CNTN5: variants seen among roughly 807,000 people sequenced by gnomAD.
CNTN5 encodes the protein contactin 5, also known as contactin-5.
A neutral mutation model predicts 129.1 loss-of-function variants in CNTN5; 77 were observed. The ratio of observed to expected loss-of-function variants is 0.60; its 90% confidence interval spans 0.50 to 0.72. The LOEUF is 0.72. Among genes scored for constraint, CNTN5 ranks in the 30% least tolerant of loss-of-function variants. The pLI is 0.00. For synonymous variants in CNTN5, 509 were observed against 465.6 expected, an observed-to-expected ratio of 1.09 and a Z score of -1.20; for missense variants, 1,478 against 1,328.8, an observed-to-expected ratio of 1.11 and a Z score of -1.75.
chr11:99,667,386 C>T (rs1438098986), intron 3 of CNTN5, among the ~76,000 whole-genome samples: 2 of 152,002 alleles, frequency 1.3e-5, no homozygotes, highest in Admixed American at 6.6e-5. Flanking sequence ...ATTTATAAGA[C>T]GTGATTATGT....
intron 1 of CNTN5, among the ~76,000 whole-genome samples, chr11:99,191,006 A>C (rs1451469825): frequency 6.6e-6 from 1 of 151,676 alleles, no homozygotes; most frequent in Non-Finnish European, 1.5e-5. Flanking sequence ...TATTGTGTTG[A>C]GGTACATTCC....
At chr11:99,934,848 C>T (rs962722469) in intron 7 of CNTN5, among the ~76,000 whole-genome samples, 6 of 143,136 alleles carry the variant, frequency 4.2e-5, no homozygotes, top group Non-Finnish European at 9.0e-5. Context: ...GCACTCCAGC[C>T]TGGGCAACAG....
intron 3 of CNTN5, among the ~76,000 whole-genome samples, chr11:99,790,048 G>A (rs762615586): frequency 4.6e-5 from 7 of 151,974 alleles, no homozygotes; most frequent in Non-Finnish European, 5.9e-5. Flanking sequence ...CTGTTGCTGT[G>A]TTAATTCACT....
chr11:99,601,969 T>C (rs545166559), intron 3 of CNTN5, among the ~76,000 whole-genome samples: 1 of 152,198 alleles, frequency 6.6e-6, no homozygotes, highest in Non-Finnish European at 1.5e-5. Context: ...TTTACCTATA[T>C]ACTATATATA....
chr11:99,437,587 G>C (rs1325209428), intron 2 of CNTN5, among the ~76,000 whole-genome samples: 2 of 152,146 alleles, frequency 1.3e-5, no homozygotes, highest in East Asian at 3.8e-4. Context: ...CAGCACTTTG[G>C]GAGGCTGAGG....
At chr11:99,839,865 C>CT (rs927473642) in intron 4 of CNTN5, among the ~76,000 whole-genome samples, 1 of 151,900 alleles carries the variant, frequency 6.6e-6, no homozygotes, top group African/African-American at 2.4e-5. Flanking sequence ...ATGGAGAGAA[C>CT]TTTTTTTCTT....
intron 8 of CNTN5, among the ~76,000 whole-genome samples, chr11:99,995,632 C>T (rs906550029): frequency 1.3e-5 from 2 of 152,096 alleles, no homozygotes; most frequent in Admixed American, 6.6e-5. Context: ...GTACAGAGAA[C>T]TACATATGCA....
chr11:99,677,902 T>C (rs1463879063), intron 3 of CNTN5, among the ~76,000 whole-genome samples: 4 of 152,104 alleles, frequency 2.6e-5, no homozygotes, highest in African/African-American at 9.7e-5. Context: ...CCAAACACCT[T>C]TTCATTACCG....
intron 3 of CNTN5, among the ~76,000 whole-genome samples, chr11:99,758,461 A>G (rs1158093925): frequency 6.6e-6 from 1 of 152,082 alleles, no homozygotes; most frequent in Admixed American, 6.6e-5. Flanking sequence ...TTTAGCAAAT[A>G]TTATTCCAGT....
At chr11:100,271,709 C>A (rs1950411270) in intron 18 of CNTN5, among the ~76,000 whole-genome samples, 1 of 152,144 alleles carries the variant, frequency 6.6e-6, no homozygotes, top group African/African-American at 2.4e-5. Flanking sequence ...ATTGCCCTTC[C>A]TTGACCTACT....
intron 1 of CNTN5, among the ~76,000 whole-genome samples, chr11:99,036,102 A>C (rs1175247438): frequency 6.6e-6 from 1 of 150,556 alleles, no homozygotes; most frequent in African/African-American, 2.4e-5. Flanking sequence ...ATTGGCCCCC[A>C]CTCTCTTTTG....
intron 13 of CNTN5, among the ~76,000 whole-genome samples, chr11:100,149,564 G>C (rs1012057636): frequency 6.6e-6 from 1 of 151,894 alleles, no homozygotes; most frequent in Admixed American, 6.6e-5. Context: ...TATACATTTG[G>C]GTGTAGCACA....
chr11:99,234,278 G>A (rs1299571479), intron 1 of CNTN5, among the ~76,000 whole-genome samples: 2 of 152,108 alleles, frequency 1.3e-5, no homozygotes, highest in Admixed American at 6.5e-5. Context: ...GGGGGATGAA[G>A]ACAATGGGAA....
intron 21 of CNTN5, among the ~76,000 whole-genome samples, chr11:100,321,263 C>A (rs910215863): frequency 7.4e-5 from 11 of 147,852 alleles, no homozygotes; most frequent in African/African-American, 2.7e-4. Context: ...AGAAATCCTT[C>A]ACCTTCTTGC....
At position 100,326,233 on chromosome 11, in the gene CNTN5, G is replaced by A. The variant is rs938229393; in HGVS notation, c.2731-14230G>A. Among the ~76,000 whole-genome samples the A allele has an allele frequency of 4.6e-5, 7 of 152,206 alleles. No individual in the cohort carries two copies. In the East Asian group the frequency reaches 1.2e-3, roughly 25 times the overall value. On this transcript the variant is annotated intron_variant, in intron 21 of 24. Coordinates refer to ENST00000524871, the MANE Select transcript of CNTN5 (RefSeq NM_014361.4). ...TAAGATGTGAGAGAAAATGGTAGAC[G>A]TGAAAGACAGAATAGATTTGGCTCA...
rs545924479 is a variant in CNTN5, at chr11:99,343,742, A to G, written c.-71+18258A>G. On this transcript the variant is annotated intron_variant, in intron 2 of 24. Coordinates refer to ENST00000524871, the MANE Select transcript of CNTN5 (RefSeq NM_014361.4). ...AAAAACTCATAATGACCAGTCATTC[A>G]TTTAAAACATTTGACCACATTTCGA... Among the ~76,000 whole-genome samples the G allele has an allele frequency of 1.1e-4, 17 of 152,296 alleles. 2 individuals carry two copies. In the South Asian group the frequency reaches 3.5e-3, roughly 32 times the overall value.
rs1452656046 is a variant in CNTN5, at chr11:99,279,748, A to T, written c.-209-45598A>T. Among the ~76,000 whole-genome samples the T allele has an allele frequency of 2.6e-5, 4 of 151,718 alleles. No individual in the cohort carries two copies. In the Admixed American group the frequency reaches 2.6e-4, roughly 10 times the overall value. Reference sequence around the variant, plus strand: ...TTATGATGCTGAAGTTCAGAATTTTAAAAATGCTTTTTCTTCAATCTCCAC... The same window carrying T: ...TTATGATGCTGAAGTTCAGAATTTTTAAAATGCTTTTTCTTCAATCTCCAC... On this transcript the variant is annotated intron_variant, in intron 1 of 24. Transcript: ENST00000524871.
chr11:100,089,234 A>G lies in CNTN5; in HGVS notation c.1580+14940A>G, dbSNP rs1002832348. Among the ~76,000 whole-genome samples, 5 of 151,964 alleles carry G rather than the reference A, an allele frequency of 3.3e-5. No individual in the cohort carries two copies. The East Asian group carries it at 5.8e-4, about 18-fold the overall frequency. On this transcript the variant is annotated intron_variant, in intron 13 of 24. Coordinates refer to ENST00000524871, the MANE Select transcript of CNTN5 (RefSeq NM_014361.4). ...ACTCCTTGTAGATTCTGGATGTTAG[A>G]CCTTTATCAGATAGGCAGATTGCAA...
chr11:99,690,385 T>C (rs989376558), intron 3 of CNTN5, among the ~76,000 whole-genome samples: 1 of 152,126 alleles, frequency 6.6e-6, no homozygotes, highest in Non-Finnish European at 1.5e-5. Context: ...TTTGTTTTGT[T>C]GTTGTTGTTC....
Sources: gnomAD v4.1 joint callset for allele counts (sites outside exome capture counted in the v4.1 genomes callset) on GRCh38, gnomAD v4.1.1 for gene constraint, MANE v1.5 for transcripts, NCBI Gene and HGNC (gene_info 2026-07-23, HGNC 2026-07-21) for gene names.